The following EFCAB3 variants were observed in gnomAD, a reference collection of about 807,000 sequenced individuals.
The protein encoded by EFCAB3 is EF-hand calcium-binding domain-containing protein 3.
In EFCAB3, 36 loss-of-function variants were observed where a neutral mutation model predicts 42.2. The ratio of observed to expected loss-of-function variants is 0.85; its 90% CI spans 0.65 to 1.13. EFCAB3 has a LOEUF of 1.13. Among genes scored for constraint, EFCAB3 ranks in the 50% most tolerant of loss-of-function variants. The probability of loss-of-function intolerance (pLI) is 0.00; values close to 1 mark genes in which losing one functional copy is unlikely to be tolerated. For missense variants in EFCAB3, 418 were observed against 505.1 expected, an observed-to-expected ratio of 0.83 and a Z score of 1.65; for synonymous variants, 170 against 172.8, an observed-to-expected ratio of 0.98 and a Z score of 0.13.
At chr17:62,379,680 T>C (rs1218025494), upstream of EFCAB3, among the ~76,000 whole-genome samples, 2 of 152,140 alleles carry the variant, frequency 1.3e-5, no homozygotes, top group African/African-American at 2.4e-5. Flanking sequence ...GGCCCAACTA[T>C]ATAACTAGCT....
chr17:62,377,832 T>C, upstream of EFCAB3: 1 of 652,200 alleles, frequency 1.5e-6, no homozygotes, highest in Non-Finnish European at 2.5e-6. Context: ...GAAAGATGGA[T>C]ATCCCATATA....
intron 5 of EFCAB3, among the ~76,000 whole-genome samples, chr17:62,394,200 G>A (rs949200479): frequency 6.6e-6 from 1 of 152,122 alleles, no homozygotes; most frequent in African/African-American, 2.4e-5. Context: ...TGATCCACCC[G>A]CCTTGGCCTC....
intron 3 of EFCAB3, among the ~76,000 whole-genome samples, chr17:62,389,481 C>G (rs2070284187): frequency 1.3e-5 from 2 of 152,312 alleles, no homozygotes; most frequent in African/African-American, 4.8e-5. Context: ...CGTTACAGTG[C>G]TTAATCCTCA....
chr17:62,397,522 G>T, intron 6 of EFCAB3: 1 of 567,498 alleles, frequency 1.8e-6, no homozygotes, highest in Non-Finnish European at 3.5e-6. Context: ...ACCCTTTTGA[G>T]GGTTGCATGA....
chr17:62,390,841 G>A (rs2070296899), intron 3 of EFCAB3, among the ~76,000 whole-genome samples: 1 of 152,150 alleles, frequency 6.6e-6, no homozygotes, highest in African/African-American at 2.4e-5. Context: ...AATGTGATAT[G>A]AAGTAAGTTT....
At chr17:62,397,681 G>T in intron 6 of EFCAB3, 2 of 576,532 alleles carry the variant, frequency 3.5e-6, no homozygotes, top group South Asian at 3.0e-5. Context: ...GTGGTTGCTT[G>T]AACTTTATTG....
chr17:62,392,890 G>A (rs1315392494), intron 4 of EFCAB3, among the ~76,000 whole-genome samples: 1 of 152,142 alleles, frequency 6.6e-6, no homozygotes, highest in African/African-American at 2.4e-5. Flanking sequence ...GCCCGCCTCG[G>A]CCTCCTAAAG....
chr17:62,394,002 T>A (rs1016913872), intron 5 of EFCAB3, among the ~76,000 whole-genome samples: 1 of 151,772 alleles, frequency 6.6e-6, no homozygotes, highest in Admixed American at 6.6e-5. Flanking sequence ...TCACCCAGGC[T>A]GGAGTGCAGT....
intron 6 of EFCAB3, among the ~76,000 whole-genome samples, chr17:62,400,154 G>C (rs887379565): frequency 2.0e-5 from 3 of 152,142 alleles, no homozygotes; most frequent in Non-Finnish European, 4.4e-5. Flanking sequence ...GCATCTCCAT[G>C]TGTAAGCCCC....
chr17:62,404,080 C>T (rs113499001), intron 6 of EFCAB3, among the ~76,000 whole-genome samples: 3,598 of 152,248 alleles, frequency 0.024, 164 homozygotes, highest in African/African-American at 0.081. Context: ...TTTCCTAGGG[C>T]TGTCATAAAA....
chr17:62,377,532 C>T (rs966915113), upstream of EFCAB3, among the ~76,000 whole-genome samples: 3 of 152,114 alleles, frequency 2.0e-5, no homozygotes, highest in Admixed American at 6.6e-5. Context: ...GGAGATTTTG[C>T]AGTTAGTTAA....
rs2070318089 is a variant in EFCAB3 at position 62,393,055 on chromosome 17, T to A, written c.296-518T>A. Among the ~76,000 whole-genome samples, 5 of 152,332 alleles carry A rather than the reference T, an allele frequency of 3.3e-5. No homozygotes were observed. In the South Asian group the frequency reaches 1.0e-3, roughly 32 times the overall value. On this transcript the variant is annotated intron_variant, in intron 4 of 9. Coordinates refer to ENST00000305286, the MANE Select transcript of EFCAB3 (RefSeq NM_173503.4). ...TCACCTCTCTCCACCCAACTGCTAGTGCCCTACTCAATCAACATCAGTTCC... is the reference window on the plus strand; with the variant it reads ...TCACCTCTCTCCACCCAACTGCTAGAGCCCTACTCAATCAACATCAGTTCC...
chr17:62,374,606 A>G (rs1188839184), intron 2 of EFCAB3, among the ~76,000 whole-genome samples: 1 of 152,182 alleles, frequency 6.6e-6, no homozygotes, highest in Non-Finnish European at 1.5e-5. Flanking sequence ...CCAAAATGCC[A>G]TGTTCCAAAT....
intron 3 of EFCAB3, among the ~76,000 whole-genome samples, chr17:62,390,822 T>G (rs1002665965): frequency 6.6e-6 from 1 of 152,204 alleles, no homozygotes; most frequent in African/African-American, 2.4e-5. Context: ...ATAGAGACGC[T>G]GAGACTTGAA....
At chr17:62,406,030 GTGTT>G (rs1285514839) in intron 6 of EFCAB3, among the ~76,000 whole-genome samples, 4 of 152,022 alleles carry the variant, frequency 2.6e-5, no homozygotes, top group Non-Finnish European at 4.4e-5. Flanking sequence ...TACCACTTAA[GTGTT>G]TGTCAAGGAT....
chr17:62,404,752 T>G (rs1171658784), intron 6 of EFCAB3, among the ~76,000 whole-genome samples: 2 of 152,084 alleles, frequency 1.3e-5, no homozygotes, highest in African/African-American at 4.8e-5. Context: ...GCCAAGATCG[T>G]GCCATTGCAC....
intron 6 of EFCAB3, among the ~76,000 whole-genome samples, chr17:62,404,665 G>A (rs371880376): frequency 3.3e-5 from 5 of 152,120 alleles, no homozygotes; most frequent in Admixed American, 2.0e-4. Context: ...GCATGGTGGC[G>A]CATGCCTTTA....
intron 7 of EFCAB3, 36 bp from the exon 8 acceptor site, chr17:62,406,992 T>A (rs1470863124): frequency 6.4e-7 from 1 of 1,550,450 alleles, no homozygotes; most frequent in Non-Finnish European, 8.7e-7. Context: ...TCTTCTTACA[T>A]TGTTTGTGAT....
intron 8 of EFCAB3, among the ~76,000 whole-genome samples, chr17:62,411,837 GAAGA>G (rs1421918178): frequency 2.2e-5 from 3 of 138,256 alleles, no homozygotes; most frequent in African/African-American, 8.2e-5. Context: ...AGGAAGGAGG[GAAGA>G]AAGGAAGGAA....
Sources: allele counts gnomAD v4.1 joint callset (sites outside exome capture counted in the v4.1 genomes callset), GRCh38; gene constraint gnomAD v4.1.1; transcripts MANE v1.5; gene names NCBI Gene and HGNC (gene_info 2026-07-23, HGNC 2026-07-21).